The following PASD1 variants were observed in gnomAD, a reference collection of about 807,000 sequenced individuals.
The protein encoded by PASD1 is circadian clock protein PASD1.
Under a neutral mutation model 58.8 loss-of-function variants are expected in PASD1, and 13 were observed. The ratio of observed to expected loss-of-function variants is 0.22; its 90% CI spans 0.14 to 0.35. PASD1 has a LOEUF of 0.35. Ranked by LOEUF, PASD1 falls within the 10% of genes least tolerant of loss-of-function variation. The pLI, the probability that PASD1 is intolerant of heterozygous loss-of-function variation, is 1.00. For synonymous variants in PASD1, 236 were observed against 216.7 expected (o/e 1.09, Z -0.78); for missense variants, 734 against 568.3 (o/e 1.29, Z -2.96).
chrX:151,600,494 G>A (rs2013401622), intron 1 of PASD1, among the ~76,000 whole-genome samples: 2 of 110,893 alleles, frequency 1.8e-5, no homozygotes. Flanking sequence ...TCAGTATGGT[G>A]GTGTCTTTTC....
rs759008903 is a variant in PASD1, at chrX:151,667,146, C to T, written c.1071+2798C>T. ...TTCTCTGATGGCCAGTGATGCTGAG[C>T]ATTTTTTCATGTGTCTTTTGGCTGC... On this transcript the variant is annotated intron_variant, in intron 11 of 15. Transcript: ENST00000370357. Among the ~76,000 whole-genome samples the T allele has an allele frequency of 1.5e-3, 169 of 112,188 alleles. 1 individual carries two copies. In the South Asian group the frequency reaches 0.017, roughly 11 times the overall value.
At chrX:151,660,469 A>C (rs1469440539) in intron 10 of PASD1, among the ~76,000 whole-genome samples, 2 of 112,258 alleles carry the variant, frequency 1.8e-5, no homozygotes, top group Non-Finnish European at 3.8e-5. Flanking sequence ...TAAAATTCTT[A>C]GTTAACAACT....
In PASD1 at chrX:151,632,876, A is replaced by T. The variant is rs775057326; in HGVS notation, c.629+7346A>T. Among the ~76,000 whole-genome samples the T allele has an allele frequency of 4.6e-4, 45 of 98,592 alleles. 1 individual carries two copies. In the South Asian group the frequency reaches 0.015, roughly 34 times the overall value. 85.6% of individuals were successfully genotyped at this position (98,592 alleles called of 115,157 possible). The stretch of plus-strand genomic sequence containing the variant: ...TGCAGAATGGGTGTGAGGCTCAAAT[A>T]AAAAAAAAAAGAAATAAGATCTATA... On this transcript the variant is annotated intron_variant, in intron 8 of 15. Coordinates refer to ENST00000370357, the MANE Select transcript of PASD1 (RefSeq NM_173493.3).
At chrX:151,577,974 T>C (rs1410738528) in intron 1 of PASD1, among the ~76,000 whole-genome samples, 1 of 112,174 alleles carries the variant, frequency 8.9e-6, no homozygotes, top group African/African-American at 3.2e-5. Flanking sequence ...GGACCATTCA[T>C]AAACCTTGGA....
At chrX:151,573,066 G>C (rs1157293809) in intron 1 of PASD1, among the ~76,000 whole-genome samples, 2 of 72,237 alleles carry the variant, frequency 2.8e-5, no homozygotes, top group East Asian at 1.0e-3. Context: ...GGTTGGGGGT[G>C]GGGGGTAAGG....
chrX:151,619,165 G>A (rs2013673982), intron 4 of PASD1, among the ~76,000 whole-genome samples: 1 of 111,276 alleles, frequency 9.0e-6, no homozygotes, highest in Non-Finnish European at 1.9e-5. Context: ...TATGTGTTTT[G>A]AAAATTGATC....
At position 151,668,975 on chromosome X, in the gene PASD1, C is replaced by G. The variant is rs892683162; in HGVS notation, c.1072-2063C>G. Among the ~76,000 whole-genome samples the G allele has an allele frequency of 3.7e-5, 4 of 107,045 alleles. No homozygotes were observed. The South Asian group carries it at 1.3e-3, about 34-fold the overall frequency. 93.0% of individuals were successfully genotyped at this position (107,045 alleles called of 115,157 possible). A position where few individuals can be genotyped will look rare whatever the true frequency, so the allele number is the denominator to read the frequency against. ...TGTTGCCCAGGCTGGTCTCAAGCCT[C>G]AAGCAGTTCTCCCACGTCAGCCTCC... On this transcript the variant is annotated intron_variant, in intron 11 of 15. Transcript: ENST00000370357.
intron 8 of PASD1, chrX:151,645,686 T>C (rs2014051571): frequency 8.9e-6 from 1 of 111,754 alleles, no homozygotes; most frequent in Non-Finnish European, 1.9e-5. Context: ...TTTTAAAAAT[T>C]AAGTGATACA....
Position 151,674,090 on chromosome X carries a change from G to C in PASD1, c.2079G>C (p.Trp693Cys). ...LETPQDYIRL[W>C]QELSDSLGPV... The stretch of plus-strand genomic sequence containing the variant: ...CCCCACAGGATTACATCCGGCTTTG[G>C]CAAGAGTTGTCTGATTCACTCGGTC... Residue 693 changes from tryptophan to cysteine, a missense_variant, in exon 15 of 16, where the codon TGG becomes TGC. By Grantham distance (215) the Trp-to-Cys change is radical. Coordinates refer to ENST00000370357, the MANE Select transcript of PASD1 (RefSeq NM_173493.3). 8.3e-7 allele frequency: 1 copy of C among 1,211,682 alleles called. No homozygotes were observed. The highest frequency in any genetic ancestry group is 1.1e-6 in the Non-Finnish European group (1 of 895,369).
Position 151,668,898 on chromosome X carries a change from A to G in PASD1, c.1072-2140A>G, listed in dbSNP as rs904297510. On this transcript the variant is annotated intron_variant, in intron 11 of 15. Coordinates refer to ENST00000370357, the MANE Select transcript of PASD1 (RefSeq NM_173493.3). The stretch of plus-strand genomic sequence containing the variant: ...CCTGATACCAAAGCCTGGCAGAGAC[A>G]CAACAAAAAAAAAAGAGATTTTTTT... Among the ~76,000 whole-genome samples, 25 of 91,722 alleles carry G rather than the reference A, an allele frequency of 2.7e-4. No individual in the cohort carries two copies. The East Asian group carries it at 7.6e-3, about 28-fold the overall frequency. The allele number at this position is 91,722 out of a possible 115,157, so 79.6% of individuals were successfully genotyped here.
chrX:151,676,288 A>G lies in PASD1; in HGVS notation c.*145A>G. On this transcript the variant is annotated 3_prime_UTR_variant, in exon 16 of 16. Transcript: ENST00000370357. The stretch of plus-strand genomic sequence containing the variant: ...AGACTTATTTGTTTCCTGATAGGTT[A>G]TGTTTGTAATTGTTTGTTAAGCACA... 2 of 596,165 alleles carry G rather than the reference A, an allele frequency of 3.4e-6. No individual in the cohort carries two copies. The allele number at this position is 596,165 out of a possible 1,213,427, so 49.1% of individuals were successfully genotyped here. A position where few individuals can be genotyped will look rare whatever the true frequency, so the allele number is the denominator to read the frequency against.
intron 8 of PASD1, among the ~76,000 whole-genome samples, chrX:151,636,362 A>G (rs1309886578): frequency 8.9e-6 from 1 of 111,938 alleles, no homozygotes; most frequent in Non-Finnish European, 1.9e-5. Flanking sequence ...AACGTTCTTT[A>G]AAAAAAGTCT....
chrX:151,567,976 C>T (rs967243073), intron 1 of PASD1, among the ~76,000 whole-genome samples: 1 of 111,863 alleles, frequency 8.9e-6, no homozygotes, highest in Admixed American at 9.4e-5. Context: ...CTGCCCACCT[C>T]GGCCTCCCAA....
chrX:151,591,347 C>A (rs1249357682), intron 1 of PASD1, among the ~76,000 whole-genome samples: 1 of 111,476 alleles, frequency 9.0e-6, no homozygotes, highest in Non-Finnish European at 1.9e-5. Flanking sequence ...ATCTATCATA[C>A]GTTTTTCCAG....
rs1385785276 is a variant in PASD1 at position 151,676,025 on chromosome X, G to A, written c.2204G>A (p.Gly735Glu). The A allele has an allele frequency of 8.3e-7, 1 of 1,211,257 alleles. No homozygotes were observed. The highest frequency in any genetic ancestry group is 1.1e-6 in the Non-Finnish European group (1 of 895,057). Residue 735 changes from glycine (G) to glutamate (E), a missense_variant, in exon 16 of 16, where the codon GGA becomes GAA. Physicochemically the swap from Gly to Glu is moderately conservative, Grantham distance 98 (BLOSUM62 -2). Coordinates refer to ENST00000370357, the MANE Select transcript of PASD1 (RefSeq NM_173493.3). ...QVQVSEVGVE[G>E]PPDPQAFQGP... ...CAAGTTTCTGAGGTAGGAGTCGAGG[G>A]ACCTCCTGATCCACAGGCTTTCCAA...
chrX:151,632,482 C>G (rs1411954611), intron 8 of PASD1, among the ~76,000 whole-genome samples: 1 of 111,519 alleles, frequency 9.0e-6, no homozygotes, highest in South Asian at 3.8e-4. Context: ...GGCCTGTGAG[C>G]AACTGTGAGG....
chrX:151,641,564 A>G (rs62609297), intron 8 of PASD1, among the ~76,000 whole-genome samples: 3,922 of 111,443 alleles, frequency 0.035, 64 homozygotes, highest in Middle Eastern at 0.078. Flanking sequence ...TTTGAAAGCC[A>G]TAAGAATCCA....
intron 9 of PASD1, among the ~76,000 whole-genome samples, chrX:151,653,736 C>T (rs1021925922): frequency 1.2e-5 from 1 of 83,877 alleles, no homozygotes; most frequent in Non-Finnish European, 2.4e-5. Context: ...TTCTCTCTCT[C>T]TCTTTCTTTC....
chrX:151,613,860 A>G (rs769457656), intron 4 of PASD1, among the ~76,000 whole-genome samples: 1 of 111,720 alleles, frequency 9.0e-6, no homozygotes, highest in East Asian at 2.8e-4. Context: ...TATATTTTAT[A>G]GTTTTAGAGT....
Sources: gnomAD v4.1 joint callset for allele counts (sites outside exome capture counted in the v4.1 genomes callset) on GRCh38, gnomAD v4.1.1 for gene constraint, MANE v1.5 for transcripts, NCBI Gene and HGNC (gene_info 2026-07-23, HGNC 2026-07-21) for gene names.